EPB41L5: variants seen among roughly 807,000 people sequenced by gnomAD.
EPB41L5 encodes the protein erythrocyte membrane protein band 4.1 like 5.
In EPB41L5, 55 loss-of-function variants were observed where a neutral mutation model predicts 106.6. The observed-to-expected ratio is 0.52, with a 90% CI of 0.42 to 0.65. The LOEUF (loss-of-function observed/expected upper bound fraction) is 0.65. Ranked by LOEUF, EPB41L5 falls within the 30% of genes least tolerant of loss-of-function variation. The pLI is 0.00. For synonymous variants in EPB41L5, 297 were observed against 306.7 expected (o/e 0.97, Z 0.33); for missense variants, 871 against 882.1 (o/e 0.99, Z 0.16).
chr2:120,053,328 T>G (rs985640819), intron 3 of EPB41L5, among the ~76,000 whole-genome samples: 1 of 152,208 alleles, frequency 6.6e-6, no homozygotes. Context: ...TCATTTTTTC[T>G]GTAAAGTAGG....
chr2:120,047,596 GTCA>G (rs1679885787), intron 3 of EPB41L5, among the ~76,000 whole-genome samples: 1 of 152,112 alleles, frequency 6.6e-6, no homozygotes, highest in Non-Finnish European at 1.5e-5. Context: ...ATACAATCAT[GTCA>G]TCTGCAAACA....
At chr2:120,078,251 C>T (rs542068588) in intron 9 of EPB41L5, among the ~76,000 whole-genome samples, 1 of 152,208 alleles carries the variant, frequency 6.6e-6, no homozygotes, top group East Asian at 1.9e-4. Context: ...TGTAACTACC[C>T]ACTTTCAATG....
intron 16 of EPB41L5, among the ~76,000 whole-genome samples, chr2:120,113,881 C>A (rs1253131208): frequency 1.3e-5 from 2 of 152,054 alleles, no homozygotes; most frequent in African/African-American, 4.8e-5. Flanking sequence ...TTGTATGATG[C>A]CCAGTGTTTT....
At chr2:120,100,145 C>A (rs951550599) in intron 14 of EPB41L5, 99 bp from the exon 15 acceptor site, 2 of 865,072 alleles carry the variant, frequency 2.3e-6, no homozygotes, top group African/African-American at 1.7e-5. Context: ...ACGTTAATAT[C>A]TTTAAAATAA....
chr2:120,067,693 A>G (rs983244665), intron 3 of EPB41L5, among the ~76,000 whole-genome samples: 3 of 152,168 alleles, frequency 2.0e-5, no homozygotes, highest in African/African-American at 7.2e-5. Flanking sequence ...AGAAAGATCT[A>G]ATTTTACTCT....
At chr2:120,126,575 T>G (rs1685468869) in intron 16 of EPB41L5, among the ~76,000 whole-genome samples, 1 of 152,204 alleles carries the variant, frequency 6.6e-6, no homozygotes, top group East Asian at 1.9e-4. Context: ...TCCTGATTTA[T>G]CTTGTCAAAA....
chr2:120,062,199 AC>A (rs1300102119), intron 3 of EPB41L5, among the ~76,000 whole-genome samples: 1 of 152,212 alleles, frequency 6.6e-6, no homozygotes, highest in African/African-American at 2.4e-5. Flanking sequence ...CAGGGATTCA[AC>A]TGAGAACACA....
At position 120,019,137 on chromosome 2, in the gene EPB41L5, C is replaced by A. The variant is rs1365743064; in HGVS notation, c.53C>A (p.Ala18Glu). Reference sequence around the variant, plus strand: ...GGGCGTCGGTCTATGCGTAAACATGCAGAGAAGGAACGACTCCGAGAAGCA... The same window carrying A: ...GGGCGTCGGTCTATGCGTAAACATGAAGAGAAGGAACGACTCCGAGAAGCA... Reference protein sequence around the residue: ...TLGRRSMRKHAEKERLREAQR... With the variant: ...TLGRRSMRKHEEKERLREAQR... Residue 18 changes from alanine (A) to glutamate (E), a missense_variant, in exon 2 of 25, where the codon GCA becomes GAA. Physicochemically the swap from Ala to Glu is moderately radical, Grantham distance 107. Transcript: ENST00000263713. 1 of 1,613,754 alleles carries A rather than the reference C, an allele frequency of 6.2e-7. No homozygotes were observed. The highest frequency in any genetic ancestry group is 8.5e-7 in the Non-Finnish European group (1 of 1,179,930).
Position 120,143,009 on chromosome 2 carries a change from G to A in EPB41L5, c.1606G>A (p.Val536Met), listed in dbSNP as rs1036960261. ...ATATTTTTAAAATATCTAGGAGGAA[G>A]TGGTGAAGTTGACTGAGAAATGCCT... ...IDVNINSQEE[V>M]VKLTEKCLNN... The change falls in exon 19 of 25, where the codon GTG becomes ATG. Residue 536 changes from valine to methionine, a missense_variant. Coordinates refer to ENST00000263713, the MANE Select transcript of EPB41L5 (RefSeq NM_020909.4). 1.9e-6 allele frequency: 3 copies of A among 1,611,780 alleles called. No homozygotes were observed. Among genetic ancestry groups the A allele is most frequent in the Non-Finnish European group, 2.5e-6 (3 of 1,178,098 alleles).
At chr2:120,052,956 T>C (rs1680388844) in intron 3 of EPB41L5, among the ~76,000 whole-genome samples, 1 of 152,240 alleles carries the variant, frequency 6.6e-6, no homozygotes, top group South Asian at 2.1e-4. Context: ...AACCAGGCTA[T>C]GATTATCACC....
intron 21 of EPB41L5, among the ~76,000 whole-genome samples, chr2:120,163,591 GTTTTT>G (rs34255923): frequency 7.2e-6 from 1 of 138,466 alleles, no homozygotes; most frequent in African/African-American, 2.7e-5. Context: ...CCTGTTACTG[GTTTTT>G]TTTTTTTTTT....
chr2:120,038,294 G>A lies in EPB41L5; in HGVS notation c.181-3712G>A, dbSNP rs374751816. The stretch of plus-strand genomic sequence containing the variant: ...ATTTTCAGCATCACTAATCAGAATG[G>A]AAATTTGAATCAGAGCCACGATGAG... On this transcript the variant is annotated intron_variant, in intron 2 of 24. Transcript: ENST00000263713. Among the ~76,000 whole-genome samples, 12 of 152,274 alleles carry A rather than the reference G, an allele frequency of 7.9e-5. No homozygotes were observed. The East Asian group carries it at 1.2e-3, about 15-fold the overall frequency.
chr2:120,102,232 G>C (rs1684184947), intron 16 of EPB41L5, among the ~76,000 whole-genome samples: 1 of 152,138 alleles, frequency 6.6e-6, no homozygotes, highest in African/African-American at 2.4e-5. Context: ...ATTTAAACCT[G>C]TTTGATTTGA....
intron 2 of EPB41L5, among the ~76,000 whole-genome samples, chr2:120,033,496 T>C (rs1678846548): frequency 6.6e-6 from 1 of 151,138 alleles, no homozygotes; most frequent in African/African-American, 2.4e-5. Context: ...TCACCTGAGG[T>C]CAGGAGCTGG....
At position 120,073,196 on chromosome 2, in the gene EPB41L5, A is replaced by C. The variant is rs1019058776; in HGVS notation, c.304A>C (p.Lys102Gln). 1.2e-6 allele frequency: 2 copies of C among 1,609,550 alleles called. No homozygotes were observed. Among genetic ancestry groups the C allele is most frequent in the Non-Finnish European group, 1.7e-6 (2 of 1,179,054 alleles). ...AQVAHWLDGT[K>Q]SIKKQVKIGS... ...TTTTCAGCATTGGTTGGATGGTACA[A>C]AAAGCATCAAAAAGCAAGTAAAAAG... The change falls in exon 4 of 25, where the codon AAA (lysine) becomes CAA (glutamine). Residue 102 changes from lysine (K) to glutamine (Q), a missense_variant. By Grantham distance (53) the Lys-to-Gln change is moderately conservative. Coordinates refer to ENST00000263713, the MANE Select transcript of EPB41L5 (RefSeq NM_020909.4).
In EPB41L5 at chr2:120,127,738, C is replaced by T. The variant is rs367594754; in HGVS notation, c.1388C>T (p.Thr463Met). The T allele has an allele frequency of 1.7e-5, 28 of 1,613,464 alleles. No homozygotes were observed. The highest frequency in any genetic ancestry group is 1.6e-4 in the South Asian group (15 of 91,024). ...AATAGCCCAGACTTATTGGAAGCAA[C>T]GATTGGTGATGTAATTGGGGCATCT... ...LLNSPDLLEA[T>M]IGDVIGASDT... The change falls in exon 17 of 25, where the codon ACG (threonine) becomes ATG (methionine). Residue 463 changes from threonine to methionine, a missense_variant. Physicochemically the swap from Thr to Met is moderately conservative, Grantham distance 81. Coordinates refer to ENST00000263713, the MANE Select transcript of EPB41L5 (RefSeq NM_020909.4).
At chr2:120,122,113 C>T (rs541911099) in intron 16 of EPB41L5, among the ~76,000 whole-genome samples, 1 of 152,262 alleles carries the variant, frequency 6.6e-6, no homozygotes, top group East Asian at 1.9e-4. Context: ...AATGTTCTCC[C>T]ATTCTGTAGG....
At chr2:120,126,519 G>T (rs376541182) in intron 16 of EPB41L5, among the ~76,000 whole-genome samples, 1 of 152,004 alleles carries the variant, frequency 6.6e-6, no homozygotes, top group Admixed American at 6.6e-5. Context: ...TTTGCCTGTG[G>T]ATATCTGGTT....
At chr2:120,119,796 A>G (rs1002082156) in intron 16 of EPB41L5, among the ~76,000 whole-genome samples, 2 of 152,206 alleles carry the variant, frequency 1.3e-5, no homozygotes, top group African/African-American at 4.8e-5. Context: ...CAATATCCAC[A>G]ATTAGCATAA....
Sources: gnomAD v4.1 joint callset for allele counts (sites outside exome capture counted in the v4.1 genomes callset) on GRCh38, gnomAD v4.1.1 for gene constraint, MANE v1.5 for transcripts, NCBI Gene and HGNC (gene_info 2026-07-23, HGNC 2026-07-21) for gene names.